NMU: variants seen among roughly 807,000 people sequenced by gnomAD.
NMU encodes neuromedin-U.
In NMU, 29 loss-of-function variants were observed where a neutral mutation model predicts 35.4. The observed-to-expected ratio is 0.82, with a 90% CI of 0.61 to 1.12. NMU has a LOEUF of 1.12. NMU is among the 50% of genes most tolerant of loss of function. NMU has a pLI of 0.00. For synonymous variants in NMU, 78 were observed against 81.3 expected, an observed-to-expected ratio of 0.96 and a Z score of 0.22; for missense variants, 199 against 206.2, an observed-to-expected ratio of 0.97 and a Z score of 0.21.
chr4:55,625,500 A>G (rs984218667), intron 2 of NMU, among the ~76,000 whole-genome samples: 7 of 152,144 alleles, frequency 4.6e-5, no homozygotes, highest in Non-Finnish European at 1.0e-4. Context: ...TTTCTATACT[A>G]TTGAACACTG....
chr4:55,632,390 A>G (rs1393232602), intron 1 of NMU, among the ~76,000 whole-genome samples: 1 of 152,194 alleles, frequency 6.6e-6, no homozygotes, highest in African/African-American at 2.4e-5. Flanking sequence ...ACAGTAATCA[A>G]CTACATTTTC....
chr4:55,598,217 A>G (rs993387497), intron 9 of NMU, among the ~76,000 whole-genome samples: 2 of 151,092 alleles, frequency 1.3e-5, no homozygotes, highest in African/African-American at 4.9e-5. Context: ...TCAGCCTCTG[A>G]AGTAGCTAGG....
At chr4:55,604,948 A>C (rs1733619607) in intron 7 of NMU, among the ~76,000 whole-genome samples, 1 of 152,022 alleles carries the variant, frequency 6.6e-6, no homozygotes, top group Admixed American at 6.6e-5. Context: ...TTCCTACCTA[A>C]GGACTGGACA....
At chr4:55,604,245 T>C (rs1051763525) in intron 7 of NMU, among the ~76,000 whole-genome samples, 17 of 151,420 alleles carry the variant, frequency 1.1e-4, no homozygotes, top group Non-Finnish European at 1.5e-5. Flanking sequence ...TTTGTATTTT[T>C]AGTAGAGACG....
chr4:55,616,297 A>G (rs1734106299), intron 3 of NMU, 41 bp downstream of exon 3: 1 of 1,495,772 alleles, frequency 6.7e-7, no homozygotes, highest in Admixed American at 1.7e-5. Flanking sequence ...AGCACTACAC[A>G]AACACCTACA....
At chr4:55,619,097 G>C (rs1031689871) in intron 2 of NMU, among the ~76,000 whole-genome samples, 4 of 151,980 alleles carry the variant, frequency 2.6e-5, no homozygotes, top group African/African-American at 9.7e-5. Flanking sequence ...TTGAACTTCT[G>C]AGCTCAAGTG....
chr4:55,604,098 C>T (rs1487172882), intron 7 of NMU, among the ~76,000 whole-genome samples: 6 of 127,686 alleles, frequency 4.7e-5, no homozygotes, highest in Admixed American at 2.5e-4. Context: ...CAGAGTCTCG[C>T]GCTGTCACTC....
chr4:55,610,187 G>A (rs761034601), intron 3 of NMU, among the ~76,000 whole-genome samples: 11 of 152,156 alleles, frequency 7.2e-5, no homozygotes, highest in Admixed American at 1.3e-4. Context: ...AAGAGGTCGG[G>A]TGCAGGGGCT....
intron 6 of NMU, 133 bp from the exon 7 acceptor site, chr4:55,605,482 C>G (rs1286302800): frequency 1.4e-6 from 1 of 739,282 alleles, no homozygotes; most frequent in East Asian, 2.6e-5. Context: ...AAGATGTCAC[C>G]TAAAACAGGT....
chr4:55,596,833 C>G (rs1044523994), intron 9 of NMU, among the ~76,000 whole-genome samples: 2 of 152,092 alleles, frequency 1.3e-5, no homozygotes, highest in African/African-American at 4.8e-5. Context: ...TTATCTTGTT[C>G]CTGACATTAA....
chr4:55,608,926 C>T (rs569355442), intron 4 of NMU, among the ~76,000 whole-genome samples, 194 bp downstream of exon 4: 46 of 152,258 alleles, frequency 3.0e-4, no homozygotes, highest in Admixed American at 1.6e-3. Context: ...AATTAGATTA[C>T]TGTAAGCTCC....
intron 3 of NMU, among the ~76,000 whole-genome samples, chr4:55,612,532 T>G (rs1322748521): frequency 6.6e-6 from 1 of 152,212 alleles, no homozygotes; most frequent in Non-Finnish European, 1.5e-5. Context: ...CACGTATGGC[T>G]GATTTCAAAA....
At chr4:55,608,620 A>G (rs867942334) in intron 4 of NMU, among the ~76,000 whole-genome samples, 1 of 152,148 alleles carries the variant, frequency 6.6e-6, no homozygotes, top group Non-Finnish European at 1.5e-5. Context: ...TCAAGTTCCC[A>G]TCTACTCTCA....
Position 55,617,218 on chromosome 4 carries a change from C to T in NMU, c.172-833G>A, listed in dbSNP as rs1032623538. Among the ~76,000 whole-genome samples, 6 of 152,146 alleles carry T rather than the reference C, an allele frequency of 3.9e-5. No homozygotes were observed. In the East Asian group the frequency reaches 7.7e-4, roughly 20 times the overall value. On this transcript the variant is annotated intron_variant, in intron 2 of 9. Transcript: ENST00000264218. ...GAATTCTTTTTCTCATACCAGGGGG[C>T]GGATTATTATACTCTACTGTCATAA...
chr4:55,609,575 G>A (rs933258708), intron 3 of NMU, among the ~76,000 whole-genome samples: 1 of 152,190 alleles, frequency 6.6e-6, no homozygotes, highest in African/African-American at 2.4e-5. Context: ...AAAGCTGTGA[G>A]CCTCGCTGAA....
intron 6 of NMU, among the ~76,000 whole-genome samples, chr4:55,605,749 A>T (rs1165528138): frequency 6.6e-6 from 1 of 152,194 alleles, no homozygotes; most frequent in Non-Finnish European, 1.5e-5. Context: ...TTTCCACTAT[A>T]AACATGTTAA....
chr4:55,606,539 T>TA (rs1733688955), intron 6 of NMU, among the ~76,000 whole-genome samples: 2 of 152,190 alleles, frequency 1.3e-5, no homozygotes, highest in South Asian at 4.1e-4. Flanking sequence ...ATTCTTTAAA[T>TA]AAAAAATGCC....
chr4:55,613,437 A>T (rs1734009787), intron 3 of NMU, among the ~76,000 whole-genome samples: 1 of 152,224 alleles, frequency 6.6e-6, no homozygotes, highest in Non-Finnish European at 1.5e-5. Context: ...TGACTAAGTG[A>T]TGCTAAAACC....
chr4:55,615,486 A>C (rs2101473), intron 3 of NMU, among the ~76,000 whole-genome samples: 140,367 of 152,246 alleles, frequency 0.92, 65,435 homozygotes, highest in East Asian at 1. Flanking sequence ...AAGCCACAGT[A>C]ACAAATGGAC....
Sources: gnomAD v4.1 joint callset for allele counts (sites outside exome capture counted in the v4.1 genomes callset) on GRCh38, gnomAD v4.1.1 for gene constraint, MANE v1.5 for transcripts, NCBI Gene and HGNC (gene_info 2026-07-23, HGNC 2026-07-21) for gene names.